SLF2: variants seen among roughly 807,000 people sequenced by gnomAD.
SLF2 encodes the protein SMC5/6 complex localization factor 2.
In SLF2, 68 loss-of-function variants were observed where a neutral mutation model predicts 124.3. The ratio of observed to expected loss-of-function variants is 0.55; its 90% CI spans 0.45 to 0.67. SLF2 has a LOEUF of 0.67. SLF2 is among the 30% of genes least tolerant of loss of function. The probability of loss-of-function intolerance (pLI) is 0.00; values close to 1 mark genes in which losing one functional copy is unlikely to be tolerated. For synonymous variants in SLF2, 480 were observed against 478.8 expected (o/e 1.00, Z -0.03); for missense variants, 1,246 against 1,373.7 (o/e 0.91, Z 1.47).
intron 19 of SLF2, among the ~76,000 whole-genome samples, chr10:100,960,820 AT>A (rs563097347): frequency 2.0e-5 from 3 of 150,760 alleles, no homozygotes. Context: ...TAAGAGGGAC[AT>A]TTTTTTTAAC....
chr10:100,913,661 G>T, intron 1 of SLF2: 1 of 1,022,304 alleles, frequency 9.8e-7, no homozygotes, highest in Non-Finnish European at 1.2e-6. Flanking sequence ...TATGTAACCT[G>T]TGATGAGGGA....
chr10:100,913,232 CAG>C lies in SLF2; in HGVS notation c.127_128del (p.Pro44TrpfsTer36). 1.9e-6 allele frequency: 3 copies of C among 1,609,568 alleles called. No individual in the cohort carries two copies. The highest frequency in any genetic ancestry group is 2.5e-6 in the Non-Finnish European group (3 of 1,178,038). ...GCCCATGCTGCAGCGGGAAAGAGAACAGAGAGTCCTGGGGACAGGTACCGTGC... is the reference window on the plus strand; with the variant it reads ...GCCCATGCTGCAGCGGGAAAGAGAACAGAGTCCTGGGGACAGGTACCGTGC... On this transcript the variant is annotated frameshift_variant, in exon 1 of 20. Coordinates refer to ENST00000238961, the MANE Select transcript of SLF2 (RefSeq NM_018121.4). LOFTEE classifies it high-confidence loss of function.
At chr10:100,946,817 C>T (rs1001629009) in intron 13 of SLF2, among the ~76,000 whole-genome samples, 2 of 152,206 alleles carry the variant, frequency 1.3e-5, no homozygotes, top group Non-Finnish European at 2.9e-5. Flanking sequence ...AAGTGAAATT[C>T]TGCTAAATGT....
At chr10:100,959,551 T>C (rs776759409) in intron 19 of SLF2, 55 bp downstream of exon 19, 8 of 1,600,214 alleles carry the variant, frequency 5.0e-6, no homozygotes, top group Non-Finnish European at 6.8e-6. Context: ...TGAATGGCAC[T>C]CTTCATACTG....
chr10:100,954,870 T>C (rs1850295083), intron 17 of SLF2, among the ~76,000 whole-genome samples: 1 of 151,484 alleles, frequency 6.6e-6, no homozygotes, highest in South Asian at 2.1e-4. Flanking sequence ...TACTTGAGCC[T>C]ATGAGTTCAA....
Position 100,917,327 on chromosome 10 carries a change from A to G in SLF2, c.915+27A>G, listed in dbSNP as rs546989693. ...TATGTGTAAGAATTATTGAATTAGCATTGCTACTGCTATGTCATATTTAGA... is the reference window on the plus strand; with the variant it reads ...TATGTGTAAGAATTATTGAATTAGCGTTGCTACTGCTATGTCATATTTAGA... On this transcript the variant is annotated intron_variant, in intron 3 of 19. Coordinates refer to ENST00000238961, the MANE Select transcript of SLF2 (RefSeq NM_018121.4). The G allele has an allele frequency of 6.2e-5, 97 of 1,571,610 alleles. No homozygotes were observed. In the South Asian group the frequency reaches 1.1e-3, roughly 18 times the overall value.
intron 8 of SLF2, among the ~76,000 whole-genome samples, chr10:100,930,598 A>G (rs897734008): frequency 6.6e-6 from 1 of 152,194 alleles, no homozygotes; most frequent in African/African-American, 2.4e-5. Context: ...AGTAATCTCC[A>G]CCACAGTGCC....
chr10:100,954,544 T>G (rs1850289166), intron 17 of SLF2, among the ~76,000 whole-genome samples: 1 of 152,188 alleles, frequency 6.6e-6, no homozygotes, highest in Admixed American at 6.5e-5. Context: ...ACCAAGTATA[T>G]GTGAGAGAAC....
intron 11 of SLF2, among the ~76,000 whole-genome samples, chr10:100,942,925 C>T (rs1850010068): frequency 6.6e-6 from 1 of 151,978 alleles, no homozygotes; most frequent in African/African-American, 2.4e-5. Flanking sequence ...CACCCCACCC[C>T]ACCCACTCTC....
intron 9 of SLF2, among the ~76,000 whole-genome samples, chr10:100,931,413 T>C (rs768045552): frequency 2.0e-5 from 3 of 152,196 alleles, no homozygotes; most frequent in African/African-American, 7.2e-5. Flanking sequence ...GTGGTACCTA[T>C]ATACATTTTC....
At chr10:100,954,421 T>C (rs1272826507) in intron 17 of SLF2, among the ~76,000 whole-genome samples, 2 of 152,228 alleles carry the variant, frequency 1.3e-5, no homozygotes, top group African/African-American at 4.8e-5. Context: ...AGCTATAAGG[T>C]AAATTCCTAG....
chr10:100,959,625 G>T (rs1018123969), intron 19 of SLF2, 129 bp downstream of exon 19: 2 of 1,379,000 alleles, frequency 1.5e-6, no homozygotes, highest in South Asian at 2.0e-5. Context: ...AACTGAAAAC[G>T]CCAGTATAAT....
chr10:100,956,309 T>A (rs1192386459), intron 17 of SLF2, 142 bp from the exon 18 acceptor site: 1 of 601,060 alleles, frequency 1.7e-6, no homozygotes, highest in African/African-American at 1.9e-5. Flanking sequence ...ATACAACTAC[T>A]GTTACGTTGA....
At chr10:100,929,002 T>A (rs1333962886) in intron 6 of SLF2, among the ~76,000 whole-genome samples, 1 of 152,204 alleles carries the variant, frequency 6.6e-6, no homozygotes, top group Non-Finnish European at 1.5e-5. Context: ...TTTCCCATTC[T>A]GTGAGTGGTT....
At chr10:100,958,267 T>G (rs1219571616) in intron 18 of SLF2, among the ~76,000 whole-genome samples, 2 of 152,194 alleles carry the variant, frequency 1.3e-5, no homozygotes, top group Non-Finnish European at 2.9e-5. Context: ...CAATGCCCAT[T>G]CAGATTTAAC....
chr10:100,935,558 T>C (rs527880377), intron 9 of SLF2, among the ~76,000 whole-genome samples: 105 of 151,466 alleles, frequency 6.9e-4, no homozygotes, highest in African/African-American at 2.4e-3. Flanking sequence ...CGCAGGCCTA[T>C]AGGCCCAACT....
chr10:100,916,577 C>T lies in SLF2; in HGVS notation c.192C>T (p.His64=), dbSNP rs1849417295. ...TTTTAATTGGCTATTTAGACAGACA[C>T]ATGTTGGATTCACCACAAAAATCAA... The part of the protein sequence containing the change: ...FFKPASKQDR[H]MLDSPQKSNI... Residue 64 remains histidine, a synonymous_variant, in exon 3 of 20, where the codon CAC becomes CAT. Transcript: ENST00000238961. 7.2e-7 allele frequency: 1 copy of T among 1,380,944 alleles called. No homozygotes were observed. The highest frequency in any genetic ancestry group is 1.5e-5 in the African/African-American group (1 of 67,908). 85.5% of individuals were successfully genotyped at this position (1,380,944 alleles called of 1,614,324 possible).
chr10:100,954,941 C>CTTT (rs753768937), intron 17 of SLF2, among the ~76,000 whole-genome samples: 6 of 137,080 alleles, frequency 4.4e-5, no homozygotes, highest in African/African-American at 1.1e-4. Flanking sequence ...GCAAGACTCT[C>CTTT]TTTTTTTTTT....
chr10:100,913,941 T>C (rs1399550784), intron 1 of SLF2: 11 of 906,472 alleles, frequency 1.2e-5, no homozygotes, highest in Non-Finnish European at 1.5e-5. Flanking sequence ...TTTAACAATA[T>C]TCATGTTACT....
Sources: allele counts gnomAD v4.1 joint callset (sites outside exome capture counted in the v4.1 genomes callset), GRCh38; gene constraint gnomAD v4.1.1; transcripts MANE v1.5; gene names NCBI Gene and HGNC (gene_info 2026-07-23, HGNC 2026-07-21).